GASK1A: variants seen among roughly 807,000 people sequenced by gnomAD.
The protein encoded by GASK1A is Golgi-associated kinase 1A.
A neutral mutation model predicts 41.2 loss-of-function variants in GASK1A; 40 were observed. The observed-to-expected ratio is 0.97, with a 90% CI of 0.75 to 1.27. The LOEUF (loss-of-function observed/expected upper bound fraction) is 1.27, where lower values mean the gene tolerates loss of function less well. Ranked by LOEUF, GASK1A falls within the 50% of genes most tolerant of loss-of-function variation. GASK1A has a pLI of 0.00. For missense variants in GASK1A, 678 were observed against 745.1 expected, an observed-to-expected ratio of 0.91 and a Z score of 1.05; for synonymous variants, 316 against 307.1, an observed-to-expected ratio of 1.03 and a Z score of -0.30.
At chr3:42,987,542 A>G (rs910222887) in intron 1 of GASK1A, among the ~76,000 whole-genome samples, 1 of 152,228 alleles carries the variant, frequency 6.6e-6, no homozygotes, top group Non-Finnish European at 1.5e-5. Flanking sequence ...CCACAAAATG[A>G]TCATATATAG....
At chr3:43,001,600 A>G (rs2089409320) in intron 1 of GASK1A, among the ~76,000 whole-genome samples, 1 of 152,186 alleles carries the variant, frequency 6.6e-6, no homozygotes, top group African/African-American at 2.4e-5. Context: ...TTCCCTTTCA[A>G]AAGAGGAGAG....
rs139895604 is a variant in GASK1A, at chr3:42,982,711, A to T, written c.3+3066A>T. Among the ~76,000 whole-genome samples the T allele has an allele frequency of 5.7e-3, 868 of 152,290 alleles. 11 individuals carry two copies. The highest frequency in any genetic ancestry group is 0.019 in the African/African-American group (779 of 41,544). On this transcript the variant is annotated intron_variant, in intron 1 of 4. Transcript: ENST00000430121. Reference sequence around the variant, plus strand: ...TGCCCAGCTAAGTGGAAATCAGAAAAATTCACAAGAATGAATTGCTCCGGC... The same window carrying T: ...TGCCCAGCTAAGTGGAAATCAGAAATATTCACAAGAATGAATTGCTCCGGC...
chr3:42,981,944 A>T (rs1418468128), intron 1 of GASK1A, among the ~76,000 whole-genome samples: 1 of 152,168 alleles, frequency 6.6e-6, no homozygotes, highest in African/African-American at 2.4e-5. Flanking sequence ...GGTATCCTTT[A>T]TTCAGTATTT....
chr3:43,057,509 C>T lies in GASK1A; in HGVS notation c.*1123C>T, dbSNP rs998338955. ...TTTTTGGCCTATTTAGGAGGAAAAC[C>T]GATTTTAAAAGCTGCATTTCCTTAA... On this transcript the variant is annotated 3_prime_UTR_variant, in exon 5 of 5. Coordinates refer to ENST00000430121, the MANE Select transcript of GASK1A (RefSeq NM_001129908.3). 2.6e-5 allele frequency: 4 copies of T among 152,068 alleles called. No individual in the cohort carries two copies. The highest frequency in any genetic ancestry group is 7.2e-5 in the African/African-American group (3 of 41,388). The allele number at this position is 152,068 out of a possible 1,614,324, so 9.4% of individuals were successfully genotyped here.
intron 1 of GASK1A, among the ~76,000 whole-genome samples, chr3:42,992,330 C>T (rs1316792018): frequency 6.6e-6 from 1 of 152,202 alleles, no homozygotes; most frequent in East Asian, 1.9e-4. Flanking sequence ...TTTCAGTGAA[C>T]CTTTAACCTC....
chr3:42,980,183 A>T (rs2089275590), intron 1 of GASK1A, among the ~76,000 whole-genome samples: 1 of 152,156 alleles, frequency 6.6e-6, no homozygotes, highest in African/African-American at 2.4e-5. Context: ...TACCTCCCCG[A>T]CAGGAGGACT....
chr3:43,015,347 A>G (rs866640661), intron 1 of GASK1A, among the ~76,000 whole-genome samples: 4 of 150,200 alleles, frequency 2.7e-5, no homozygotes, highest in Non-Finnish European at 5.9e-5. Flanking sequence ...GGCAGTGTGA[A>G]GTCACAGGAA....
chr3:43,025,629 A>G (rs190465558), intron 1 of GASK1A, among the ~76,000 whole-genome samples: 1 of 152,326 alleles, frequency 6.6e-6, no homozygotes, highest in East Asian at 1.9e-4. Context: ...GATTCACACA[A>G]AGCTGGTGAA....
chr3:42,987,797 G>A (rs1307918689), intron 1 of GASK1A, among the ~76,000 whole-genome samples: 1 of 151,936 alleles, frequency 6.6e-6, no homozygotes, highest in Non-Finnish European at 1.5e-5. Flanking sequence ...TCAGGAGTTT[G>A]AGACCAGCCT....
intron 2 of GASK1A, among the ~76,000 whole-genome samples, chr3:43,041,448 T>C (rs974115795): frequency 1.6e-4 from 24 of 152,192 alleles, no homozygotes; most frequent in Non-Finnish European, 2.8e-4. Context: ...CTCATTGTGG[T>C]TTTGATTTGC....
intron 1 of GASK1A, among the ~76,000 whole-genome samples, chr3:43,004,991 C>T (rs183976295): frequency 1.3e-5 from 2 of 152,312 alleles, no homozygotes; most frequent in African/African-American, 4.8e-5. Flanking sequence ...TAGAGGCCAC[C>T]TGCATTCCTT....
chr3:43,011,208 C>G (rs2125679582), intron 1 of GASK1A, among the ~76,000 whole-genome samples: 4 of 151,972 alleles, frequency 2.6e-5, no homozygotes, highest in Middle Eastern at 6.8e-3. Flanking sequence ...ATGGTGAAAC[C>G]CTGTCTCTAC....
intron 1 of GASK1A, among the ~76,000 whole-genome samples, chr3:42,990,666 C>T (rs565024097): frequency 2.0e-5 from 3 of 152,294 alleles, no homozygotes; most frequent in Admixed American, 6.5e-5. Context: ...TTGACTGCAT[C>T]CCAGGTGTGA....
chr3:43,033,311 C>G lies in GASK1A; in HGVS notation c.1048C>G (p.Arg350Gly). ...LRRSLPAVAR[R>G]FHSPLLPYRY... ...CCGGAGCCTACCTGCTGTGGCCCGC[C>G]GCTTCCATAGCCCCCTCCTGCCCTA... The change falls in exon 2 of 5, where the codon CGC becomes GGC. Residue 350 changes from arginine to glycine, a missense_variant. Coordinates refer to ENST00000430121, the MANE Select transcript of GASK1A (RefSeq NM_001129908.3). The G allele has an allele frequency of 1.3e-6, 2 of 1,551,238 alleles. No individual in the cohort carries two copies. Among genetic ancestry groups the G allele is most frequent in the Non-Finnish European group, 8.7e-7 (1 of 1,146,832 alleles).
chr3:42,991,920 C>T (rs563920380), intron 1 of GASK1A, among the ~76,000 whole-genome samples: 135 of 152,286 alleles, frequency 8.9e-4, no homozygotes, highest in Middle Eastern at 6.8e-3. Context: ...CCCAGCCTCC[C>T]GGCAAGCCTG....
At chr3:43,052,238 C>A (rs1259652593) in intron 2 of GASK1A, among the ~76,000 whole-genome samples, 1 of 152,192 alleles carries the variant, frequency 6.6e-6, no homozygotes, top group Non-Finnish European at 1.5e-5. Flanking sequence ...ACTTGCCCCA[C>A]ACCAAACCTG....
chr3:43,037,497 T>A (rs1413859981), intron 2 of GASK1A: 1 of 518,534 alleles, frequency 1.9e-6, no homozygotes, highest in Non-Finnish European at 3.5e-6. Context: ...GGTAAGGTAT[T>A]TAGGAATATC....
At chr3:43,039,214 T>TC (rs1559406228) in intron 2 of GASK1A, among the ~76,000 whole-genome samples, 1 of 149,552 alleles carries the variant, frequency 6.7e-6, no homozygotes, top group East Asian at 1.9e-4. Flanking sequence ...GGTTTTTTTT[T>TC]TTTTTTGAGA....
chr3:43,024,842 G>A (rs2089538540), intron 1 of GASK1A, among the ~76,000 whole-genome samples: 1 of 152,194 alleles, frequency 6.6e-6, no homozygotes, highest in African/African-American at 2.4e-5. Context: ...ATCAAATCCA[G>A]TACAGAGTGA....
Sources: gnomAD v4.1 joint callset for allele counts (sites outside exome capture counted in the v4.1 genomes callset) on GRCh38, gnomAD v4.1.1 for gene constraint, MANE v1.5 for transcripts, NCBI Gene and HGNC (gene_info 2026-07-23, HGNC 2026-07-21) for gene names.